The following ALPK1 variants were observed in gnomAD, a reference collection of about 807,000 sequenced individuals.
The protein encoded by ALPK1 is alpha-protein kinase 1.
Under a neutral mutation model 120.6 loss-of-function variants are expected in ALPK1, and 110 were observed. That is an observed-to-expected ratio of 0.91 (90% CI 0.78 to 1.07). The LOEUF is 1.07. ALPK1 is among the 50% of genes least tolerant of loss of function. ALPK1 has a pLI of 0.00. For missense variants in ALPK1, 1,498 were observed against 1,483.9 expected (o/e 1.01, Z -0.16); for synonymous variants, 582 against 560.3 (o/e 1.04, Z -0.55).
intron 6 of ALPK1, among the ~76,000 whole-genome samples, chr4:112,424,677 G>C (rs777925497): frequency 6.6e-6 from 1 of 152,092 alleles, no homozygotes; most frequent in East Asian, 1.9e-4. Context: ...ATTTCTAGTG[G>C]GGAGACAGTT....
intron 2 of ALPK1, among the ~76,000 whole-genome samples, chr4:112,371,112 C>G (rs1240705764): frequency 6.6e-6 from 1 of 152,176 alleles, no homozygotes; most frequent in East Asian, 1.9e-4. Flanking sequence ...ATTCCCCAGA[C>G]AGCTCTCAAT....
At chr4:112,386,043 C>A (rs186374436) in intron 4 of ALPK1, among the ~76,000 whole-genome samples, 11 of 152,208 alleles carry the variant, frequency 7.2e-5, no homozygotes, top group Admixed American at 2.0e-4. Flanking sequence ...AAGAAAAAGG[C>A]AAGTCACAAA....
intron 4 of ALPK1, among the ~76,000 whole-genome samples, chr4:112,410,429 A>G (rs6811550): frequency 0.11 from 15,853 of 148,040 alleles, 857 homozygotes; most frequent in Non-Finnish European, 0.13. Flanking sequence ...AACTTATTGA[A>G]TTAGTGCATA....
chr4:112,349,057 T>G (rs79797197), intron 2 of ALPK1, among the ~76,000 whole-genome samples: 4 of 151,516 alleles, frequency 2.6e-5, no homozygotes, highest in Non-Finnish European at 4.4e-5. Flanking sequence ...CAGTTTTTGT[T>G]TTTTTTTTGT....
At position 112,356,659 on chromosome 4, in the gene ALPK1, T is replaced by C. The variant is rs1282140509; in HGVS notation, c.-100-21019T>C. The C allele has an allele frequency of 8.2e-6, 7 of 854,274 alleles. No individual in the cohort carries two copies. In the East Asian group the frequency reaches 1.4e-4, roughly 17 times the overall value. 52.9% of individuals were successfully genotyped at this position (854,274 alleles called of 1,614,324 possible). ...AGTCGCTCTGTCATTTCTACAACAA[T>C]GTAGAAGAGAAAAGCCTGGAGCAGG... On this transcript the variant is annotated intron_variant, in intron 2 of 15. Transcript: ENST00000650871.
In ALPK1 at chr4:112,392,876, A is replaced by G. The variant is rs146805982; in HGVS notation, c.276+10324A>G. Among the ~76,000 whole-genome samples, 93 of 152,314 alleles carry G rather than the reference A, an allele frequency of 6.1e-4. No individual in the cohort carries two copies. The East Asian group carries it at 0.018, about 29-fold the overall frequency. On this transcript the variant is annotated intron_variant, in intron 4 of 15. Transcript: ENST00000650871. ...AACTCCTCTCCCTAACTCTAGTCAC[A>G]TTCCCTGTATCTGAAAGAACAGGAA...
intron 2 of ALPK1, among the ~76,000 whole-genome samples, chr4:112,319,469 GA>G (rs1364785549): frequency 6.6e-6 from 1 of 152,178 alleles, no homozygotes; most frequent in African/African-American, 2.4e-5. Flanking sequence ...CTTATAGTCA[GA>G]AAGTGTGATG....
chr4:112,355,373 G>A (rs1730554808), intron 2 of ALPK1, among the ~76,000 whole-genome samples: 1 of 152,200 alleles, frequency 6.6e-6, no homozygotes. Context: ...CGGGCCAGTG[G>A]GGGAGACAGC....
chr4:112,358,838 G>T, intron 2 of ALPK1: 2 of 802,478 alleles, frequency 2.5e-6, no homozygotes, highest in Non-Finnish European at 4.6e-6. Context: ...CCTTCACCCA[G>T]GCCCTGCAGG....
intron 12 of ALPK1, among the ~76,000 whole-genome samples, chr4:112,437,614 TACA>T (rs1734844416): frequency 6.6e-6 from 1 of 152,198 alleles, no homozygotes; most frequent in Non-Finnish European, 1.5e-5. Context: ...GCATCCCTAT[TACA>T]ACAACTGCTC....
chr4:112,373,580 G>C (rs1731514118), intron 2 of ALPK1, among the ~76,000 whole-genome samples: 1 of 152,186 alleles, frequency 6.6e-6, no homozygotes, highest in Non-Finnish European at 1.5e-5. Context: ...CTGCACAGAA[G>C]CAAGTATCAC....
chr4:112,406,334 T>C (rs1340838583), intron 4 of ALPK1, among the ~76,000 whole-genome samples: 1 of 152,200 alleles, frequency 6.6e-6, no homozygotes, highest in Non-Finnish European at 1.5e-5. Flanking sequence ...TGCCACAATA[T>C]GGATGAACCT....
chr4:112,340,450 G>T (rs1014193255), intron 2 of ALPK1, among the ~76,000 whole-genome samples: 1 of 152,040 alleles, frequency 6.6e-6, no homozygotes, highest in South Asian at 2.1e-4. Context: ...ATACACATAC[G>T]TATTTATACT....
At chr4:112,358,495 G>A in intron 2 of ALPK1, 2 of 674,962 alleles carry the variant, frequency 3.0e-6, no homozygotes, top group South Asian at 3.3e-5. Flanking sequence ...TGAAGCAGAG[G>A]CCCTCAGGGT....
chr4:112,412,403 G>A (rs1560676548), intron 5 of ALPK1: 3 of 465,794 alleles, frequency 6.4e-6, no homozygotes, highest in Non-Finnish European at 1.3e-5. Context: ...TCGCTCTCCT[G>A]TCTCCTTTCT....
At chr4:112,348,894 A>G (rs1395088053) in intron 2 of ALPK1, among the ~76,000 whole-genome samples, 1 of 152,210 alleles carries the variant, frequency 6.6e-6, no homozygotes, top group Admixed American at 6.5e-5. Context: ...AAAGGAGAAG[A>G]TGAGGGGCTG....
At position 112,431,706 on chromosome 4, in the gene ALPK1, C is replaced by T. The variant is rs1400656955; in HGVS notation, c.2159C>T (p.Ala720Val). Residue 720 changes from alanine (A) to valine (V), a missense_variant, in exon 11 of 16, where the codon GCT (alanine) becomes GTT (valine). Ala to Val is a moderately conservative substitution (Grantham distance 64). Transcript: ENST00000650871. Reference sequence around the variant, plus strand: ...CACTCCAGACCCTCATATCGTTCTGCTTCTTGGTCTTCTGATTCTGGTAGG... The same window carrying T: ...CACTCCAGACCCTCATATCGTTCTGTTTCTTGGTCTTCTGATTCTGGTAGG... ...SAHSRPSYRS[A>V]SWSSDSGRPK... 1 of 1,614,240 alleles carries T rather than the reference C, an allele frequency of 6.2e-7. No individual in the cohort carries two copies. Among genetic ancestry groups the T allele is most frequent in the South Asian group, 1.1e-5 (1 of 91,082 alleles).
At chr4:112,378,961 G>C (rs12645586) in intron 3 of ALPK1, among the ~76,000 whole-genome samples, 7,999 of 152,202 alleles carry the variant, frequency 0.053, 506 homozygotes, top group African/African-American at 0.14. Flanking sequence ...TTGCTTCCTG[G>C]CTCCATGTGC....
At chr4:112,298,840 A>G (rs1374615135) in intron 1 of ALPK1, among the ~76,000 whole-genome samples, 2 of 152,156 alleles carry the variant, frequency 1.3e-5, no homozygotes, top group East Asian at 3.8e-4. Flanking sequence ...GCATTTCAAG[A>G]TATTTCTGAA....
Sources: allele counts gnomAD v4.1 joint callset (sites outside exome capture counted in the v4.1 genomes callset), GRCh38; gene constraint gnomAD v4.1.1; transcripts MANE v1.5; gene names NCBI Gene and HGNC (gene_info 2026-07-23, HGNC 2026-07-21).